The following ADAMTS12 variants were observed in gnomAD, a reference collection of about 807,000 sequenced individuals.
ADAMTS12 encodes ADAM metallopeptidase with thrombospondin type 1 motif 12.
Under a neutral mutation model 167.8 loss-of-function variants are expected in ADAMTS12, and 118 were observed. That is an observed-to-expected ratio of 0.70 (90% CI 0.61 to 0.82). ADAMTS12 has a LOEUF of 0.82. Among genes scored for constraint, ADAMTS12 ranks in the 40% least tolerant of loss-of-function variants. The pLI is 0.00. For missense variants in ADAMTS12, 1,916 were observed against 1,998.8 expected, an observed-to-expected ratio of 0.96 and a Z score of 0.79; for synonymous variants, 704 against 716.9, an observed-to-expected ratio of 0.98 and a Z score of 0.29.
chr5:33,860,530 G>C (rs1056507511), intron 2 of ADAMTS12, among the ~76,000 whole-genome samples: 17 of 152,128 alleles, frequency 1.1e-4, no homozygotes, highest in African/African-American at 3.6e-4. Flanking sequence ...GACCAAACCT[G>C]TGTTTGATTG....
chr5:33,833,437 A>G (rs191029911), intron 2 of ADAMTS12, among the ~76,000 whole-genome samples: 197 of 152,072 alleles, frequency 1.3e-3, no homozygotes, highest in African/African-American at 4.6e-3. Context: ...CATTTATATC[A>G]GCTCTCTTTT....
chr5:33,761,932 C>G (rs1017687469), intron 2 of ADAMTS12, among the ~76,000 whole-genome samples: 5 of 152,230 alleles, frequency 3.3e-5, no homozygotes, highest in African/African-American at 1.2e-4. Flanking sequence ...GTGGCTCACG[C>G]CTATAATCCC....
chr5:33,859,030 C>T (rs1379224711), intron 2 of ADAMTS12, among the ~76,000 whole-genome samples: 2 of 152,178 alleles, frequency 1.3e-5, no homozygotes, highest in African/African-American at 4.8e-5. Flanking sequence ...CAGGAGATTC[C>T]CTCAGGTGCC....
intron 21 of ADAMTS12, among the ~76,000 whole-genome samples, chr5:33,547,560 T>A (rs1477019621): frequency 6.6e-6 from 1 of 152,004 alleles, no homozygotes; most frequent in Non-Finnish European, 1.5e-5. Context: ...AGATGCCCAA[T>A]CCCTTAAGAG....
chr5:33,607,180 A>C (rs1488091351), intron 16 of ADAMTS12, among the ~76,000 whole-genome samples: 1 of 151,972 alleles, frequency 6.6e-6, no homozygotes, highest in Non-Finnish European at 1.5e-5. Context: ...CTTATTGTCT[A>C]TTGGGATCTA....
At chr5:33,598,155 T>C (rs1219187528) in intron 16 of ADAMTS12, among the ~76,000 whole-genome samples, 1 of 152,154 alleles carries the variant, frequency 6.6e-6, no homozygotes, top group Non-Finnish European at 1.5e-5. Context: ...TCAGAGTTTC[T>C]CCACTGACAT....
At chr5:33,740,929 C>G (rs1361469085) in intron 3 of ADAMTS12, among the ~76,000 whole-genome samples, 3 of 152,234 alleles carry the variant, frequency 2.0e-5, no homozygotes, top group African/African-American at 7.2e-5. Context: ...TCAGACTTCA[C>G]TTATAAAGCG....
intron 18 of ADAMTS12, among the ~76,000 whole-genome samples, chr5:33,580,071 G>T (rs1320661582): frequency 1.3e-5 from 2 of 152,218 alleles, no homozygotes; most frequent in Non-Finnish European, 2.9e-5. Context: ...CCAACCGATG[G>T]ATATGTGGTT....
intron 12 of ADAMTS12, among the ~76,000 whole-genome samples, chr5:33,634,669 G>A (rs1043967343): frequency 2.6e-5 from 4 of 152,096 alleles, no homozygotes; most frequent in African/African-American, 9.6e-5. Flanking sequence ...TGGTATTCTT[G>A]TACTTTCTAA....
intron 13 of ADAMTS12, among the ~76,000 whole-genome samples, chr5:33,626,437 T>C (rs1380620296): frequency 6.8e-6 from 1 of 148,084 alleles, no homozygotes; most frequent in Non-Finnish European, 1.5e-5. Context: ...GTGGTAGTGA[T>C]GGTAGTGATT....
intron 2 of ADAMTS12, among the ~76,000 whole-genome samples, chr5:33,787,590 T>C (rs1746375075): frequency 6.6e-6 from 1 of 152,224 alleles, no homozygotes; most frequent in Non-Finnish European, 1.5e-5. Context: ...GCCATGCTCC[T>C]GGTGGGAGCC....
At chr5:33,816,279 C>T (rs1747649586) in intron 2 of ADAMTS12, among the ~76,000 whole-genome samples, 1 of 152,088 alleles carries the variant, frequency 6.6e-6, no homozygotes, top group Non-Finnish European at 1.5e-5. Flanking sequence ...AGCCAGTGAA[C>T]ACATCCATCA....
At chr5:33,574,505 C>A (rs4049326) in intron 19 of ADAMTS12, among the ~76,000 whole-genome samples, 3 of 150,992 alleles carry the variant, frequency 2.0e-5, no homozygotes, top group Non-Finnish European at 4.4e-5. Flanking sequence ...GGACAAAAAA[C>A]CAAACACCGC....
At chr5:33,604,980 G>A (rs1738366185) in intron 16 of ADAMTS12, among the ~76,000 whole-genome samples, 1 of 152,166 alleles carries the variant, frequency 6.6e-6, no homozygotes, top group African/African-American at 2.4e-5. Flanking sequence ...ATTTGATAGG[G>A]CACTCTGATA....
intron 3 of ADAMTS12, among the ~76,000 whole-genome samples, chr5:33,724,330 C>T (rs1003273129): frequency 6.6e-6 from 1 of 151,608 alleles, no homozygotes; most frequent in African/African-American, 2.4e-5. Flanking sequence ...TCATCCCCCA[C>T]CCCCACCACT....
At chr5:33,625,194 T>C (rs1579765031) in intron 13 of ADAMTS12, among the ~76,000 whole-genome samples, 1 of 152,066 alleles carries the variant, frequency 6.6e-6, no homozygotes, top group East Asian at 1.9e-4. Flanking sequence ...GAATACCCAC[T>C]AACAGAAAAT....
intron 5 of ADAMTS12, among the ~76,000 whole-genome samples, chr5:33,681,695 C>A (rs983622839): frequency 6.6e-6 from 1 of 152,142 alleles, no homozygotes; most frequent in Non-Finnish European, 1.5e-5. Context: ...TCACTGAGAC[C>A]TCTCTGAAGA....
chr5:33,548,063 C>T (rs143540519), intron 21 of ADAMTS12, among the ~76,000 whole-genome samples: 24 of 152,266 alleles, frequency 1.6e-4, no homozygotes, highest in African/African-American at 5.5e-4. Flanking sequence ...GATGCTTGGC[C>T]GGTGGGTGGT....
chr5:33,823,558 G>A (rs1285232331), intron 2 of ADAMTS12, among the ~76,000 whole-genome samples: 1 of 151,984 alleles, frequency 6.6e-6, no homozygotes, highest in Non-Finnish European at 1.5e-5. Flanking sequence ...GAGCTACAGT[G>A]AGTAGACGGG....
Sources: allele counts gnomAD v4.1 joint callset (sites outside exome capture counted in the v4.1 genomes callset), GRCh38; gene constraint gnomAD v4.1.1; transcripts MANE v1.5; gene names NCBI Gene and HGNC (gene_info 2026-07-23, HGNC 2026-07-21).